The following KCNIP4 variants were observed in gnomAD, a reference collection of about 807,000 sequenced individuals.
KCNIP4 encodes potassium voltage-gated channel interacting protein 4.
KCNIP4 carries 12 observed loss-of-function variants against 34.0 expected under a neutral mutation model. That is an observed-to-expected ratio of 0.35 (90% confidence interval 0.23 to 0.57). KCNIP4 has a LOEUF of 0.57. KCNIP4 is among the 20% of genes least tolerant of loss of function. The pLI, the probability that KCNIP4 is intolerant of heterozygous loss-of-function variation, is 0.83. For synonymous variants in KCNIP4, 124 were observed against 102.2 expected, an observed-to-expected ratio of 1.21 and a Z score of -1.29; for missense variants, 238 against 311.7, an observed-to-expected ratio of 0.76 and a Z score of 1.78.
Position 21,147,017 on chromosome 4 carries a change from C to A in KCNIP4, c.62-264308G>T, listed in dbSNP as rs980045385. Among the ~76,000 whole-genome samples the A allele has an allele frequency of 6.6e-5, 10 of 152,076 alleles. No individual in the cohort carries two copies. In the East Asian group the frequency reaches 1.9e-3, roughly 29 times the overall value. On this transcript the variant is annotated intron_variant, in intron 1 of 8. Coordinates refer to ENST00000382152, the MANE Select transcript of KCNIP4 (RefSeq NM_025221.6). Reference sequence around the variant, plus strand: ...TTATATATATTTATAGCAACATATACTGTATACTTCTACACACTTTGCTCT... The same window carrying A: ...TTATATATATTTATAGCAACATATAATGTATACTTCTACACACTTTGCTCT...
At chr4:21,658,525 C>T (rs1447445203) in intron 1 of KCNIP4, among the ~76,000 whole-genome samples, 2 of 152,090 alleles carry the variant, frequency 1.3e-5, no homozygotes, top group Non-Finnish European at 2.9e-5. Flanking sequence ...AAGTGATTCT[C>T]CTTCCTTAGC....
At chr4:20,906,099 T>G (rs1051199311) in intron 1 of KCNIP4, among the ~76,000 whole-genome samples, 1 of 145,876 alleles carries the variant, frequency 6.9e-6, no homozygotes, top group Non-Finnish European at 1.5e-5. Context: ...CTTTTCTTTC[T>G]CTCTTTTTCT....
At chr4:21,931,985 A>G (rs1240110489) in intron 1 of KCNIP4, among the ~76,000 whole-genome samples, 1 of 152,058 alleles carries the variant, frequency 6.6e-6, no homozygotes, top group East Asian at 1.9e-4. Flanking sequence ...ACAATTACAC[A>G]TTGTAGTTGG....
At chr4:20,885,830 A>C (rs1445936483) in intron 1 of KCNIP4, among the ~76,000 whole-genome samples, 2 of 152,140 alleles carry the variant, frequency 1.3e-5, no homozygotes, top group African/African-American at 4.8e-5. Context: ...CCTATTCCCT[A>C]CTGTCTCAGG....
rs543386554 is a variant in KCNIP4, at chr4:21,692,538, T to C, written c.61+256033A>G. On this transcript the variant is annotated intron_variant, in intron 1 of 8. Transcript: ENST00000382152. ...GGCAGTCAAGTGTAAACATCATTTT[T>C]CTTTGCTTTCTTTTAGCTTCAGAAT... 2.9e-3 allele frequency among the ~76,000 whole-genome samples: 444 copies of C among 152,342 alleles called. 1 individual carries two copies. Among genetic ancestry groups the C allele is most frequent in the Non-Finnish European group, 5.0e-3 (338 of 68,036 alleles).
At chr4:21,560,738 A>G (rs1008795025) in intron 1 of KCNIP4, among the ~76,000 whole-genome samples, 1 of 152,044 alleles carries the variant, frequency 6.6e-6, no homozygotes, top group Admixed American at 6.6e-5. Context: ...TTGCTGATTG[A>G]CTTGATTCCC....
chr4:21,443,952 G>A (rs1201498450), intron 1 of KCNIP4, among the ~76,000 whole-genome samples: 1 of 151,380 alleles, frequency 6.6e-6, no homozygotes, highest in African/African-American at 2.5e-5. Flanking sequence ...TATCACCACT[G>A]ATCCCACAGA....
chr4:21,080,984 T>A (rs1745956334), intron 1 of KCNIP4, among the ~76,000 whole-genome samples: 1 of 151,872 alleles, frequency 6.6e-6, no homozygotes, highest in African/African-American at 2.4e-5. Context: ...AGATTCTTTT[T>A]TTCACTTTCA....
chr4:21,082,134 T>C (rs1746058758), intron 1 of KCNIP4, among the ~76,000 whole-genome samples: 1 of 151,854 alleles, frequency 6.6e-6, no homozygotes, highest in Admixed American at 6.6e-5. Flanking sequence ...TATGAGTGAA[T>C]TTTTAAAATT....
chr4:21,177,109 G>A (rs1361178118), intron 1 of KCNIP4, among the ~76,000 whole-genome samples: 1 of 152,084 alleles, frequency 6.6e-6, no homozygotes, highest in Non-Finnish European at 1.5e-5. Flanking sequence ...GGTGCAATTG[G>A]CTTATTCACT....
intron 1 of KCNIP4, among the ~76,000 whole-genome samples, chr4:21,045,138 CA>C (rs1742324080): frequency 6.6e-6 from 1 of 152,194 alleles, no homozygotes; most frequent in Admixed American, 6.5e-5. Flanking sequence ...CCTCTATGAA[CA>C]AGAGATCTAT....
intron 1 of KCNIP4, among the ~76,000 whole-genome samples, chr4:21,308,970 C>CTTAA (rs10683695): frequency 0.75 from 113,054 of 151,608 alleles, 43,254 homozygotes; most frequent in African/African-American, 0.93. Flanking sequence ...AATGAACGTG[C>CTTAA]TTAGAGACAC....
At chr4:21,537,135 C>T (rs1414643513) in intron 1 of KCNIP4, among the ~76,000 whole-genome samples, 1 of 152,200 alleles carries the variant, frequency 6.6e-6, no homozygotes, top group Non-Finnish European at 1.5e-5. Flanking sequence ...TCAGGATCTA[C>T]ACTGCACCAC....
chr4:21,120,458 G>T (rs534909700), intron 1 of KCNIP4, among the ~76,000 whole-genome samples: 3 of 152,320 alleles, frequency 2.0e-5, no homozygotes, highest in African/African-American at 7.2e-5. Context: ...AAATACTCCA[G>T]ACTGGGTAAT....
chr4:20,881,826 C>G (rs1231273431), intron 2 of KCNIP4, among the ~76,000 whole-genome samples: 1 of 152,024 alleles, frequency 6.6e-6, no homozygotes, highest in Non-Finnish European at 1.5e-5. Flanking sequence ...CATAGATTAC[C>G]CTGAATAATG....
At chr4:21,230,506 TC>T (rs1472992908) in intron 1 of KCNIP4, among the ~76,000 whole-genome samples, 1 of 152,032 alleles carries the variant, frequency 6.6e-6, no homozygotes, top group Non-Finnish European at 1.5e-5. Context: ...CTCTCCCTAA[TC>T]CCCTGACAGG....
chr4:21,465,290 C>A (rs1052566414), intron 1 of KCNIP4, among the ~76,000 whole-genome samples: 2 of 152,112 alleles, frequency 1.3e-5, no homozygotes, highest in Non-Finnish European at 1.5e-5. Context: ...CTACTGACAG[C>A]AGCTAAGAGT....
At chr4:21,927,789 G>C (rs1168842113) in intron 1 of KCNIP4, among the ~76,000 whole-genome samples, 1 of 152,028 alleles carries the variant, frequency 6.6e-6, no homozygotes, top group Admixed American at 6.6e-5. Context: ...AAGAACAAAG[G>C]CTTTGGAGTC....
chr4:20,752,265 G>A (rs151216200), intron 4 of KCNIP4, among the ~76,000 whole-genome samples: 32 of 152,004 alleles, frequency 2.1e-4, no homozygotes, highest in African/African-American at 7.0e-4. Context: ...CATCACGTTG[G>A]CCAGACTGGT....
Sources: allele counts gnomAD v4.1 joint callset (sites outside exome capture counted in the v4.1 genomes callset), GRCh38; gene constraint gnomAD v4.1.1; transcripts MANE v1.5; gene names NCBI Gene and HGNC (gene_info 2026-07-23, HGNC 2026-07-21).